SGSM1: variants seen among roughly 807,000 people sequenced by gnomAD.
SGSM1 encodes RUN and TBC1 domain containing 2.
In SGSM1, 73 loss-of-function variants were observed where a neutral mutation model predicts 133.8. The observed-to-expected ratio is 0.55, with a 90% CI of 0.45 to 0.66. The LOEUF (loss-of-function observed/expected upper bound fraction) is 0.66. Among genes scored for constraint, SGSM1 ranks in the 30% least tolerant of loss-of-function variants. The pLI, the probability that SGSM1 is intolerant of heterozygous loss-of-function variation, is 0.00. For synonymous variants in SGSM1, 563 were observed against 573.0 expected (o/e 0.98, Z 0.25); for missense variants, 1,213 against 1,448.1 (o/e 0.84, Z 2.64).
At chr22:24,843,129 C>T (rs1448371736) in intron 2 of SGSM1, among the ~76,000 whole-genome samples, 4 of 152,186 alleles carry the variant, frequency 2.6e-5, no homozygotes, top group African/African-American at 9.7e-5. Flanking sequence ...ACTCCATTTC[C>T]ACATCTGCAA....
chr22:24,831,991 A>G (rs1929145595), intron 2 of SGSM1, among the ~76,000 whole-genome samples: 1 of 152,194 alleles, frequency 6.6e-6, no homozygotes, highest in African/African-American at 2.4e-5. Context: ...CATCCCACCC[A>G]GAGAGTCGGG....
rs145107322 is a variant in SGSM1 at position 24,907,299 on chromosome 22, A to G, written c.2818+2112A>G. Among the ~76,000 whole-genome samples, 142 of 151,274 alleles carry G rather than the reference A, an allele frequency of 9.4e-4. 3 individuals are homozygous for G. In the East Asian group the frequency reaches 0.024, roughly 26 times the overall value. ...AATAAATAAATAAATAAATAAATAA[A>G]TAAATAAAAGAATACAATACTTATG... On this transcript the variant is annotated intron_variant, in intron 21 of 24. Coordinates refer to ENST00000400358, the MANE Select transcript of SGSM1 (RefSeq NM_001098497.3).
Position 24,898,339 on chromosome 22 carries a change from C to G in SGSM1, c.2390C>G (p.Ser797Cys), listed in dbSNP as rs771603488. Reference sequence around the variant, plus strand: ...AACGAGAGCATGGACGAGTTCATGTCCATCACGGGCAGCCTGGACATGGCC... The same window carrying G: ...AACGAGAGCATGGACGAGTTCATGTGCATCACGGGCAGCCTGGACATGGCC... ...LANESMDEFM[S>C]ITGSLDMALP... Residue 797 changes from serine to cysteine, a missense_variant, in exon 19 of 25, where the codon TCC (serine) becomes TGC (cysteine). By Grantham distance (112) the Ser-to-Cys change is moderately radical. Transcript: ENST00000400358. 6.2e-7 allele frequency: 1 copy of G among 1,613,798 alleles called. No individual in the cohort carries two copies. Among genetic ancestry groups the G allele is most frequent in the African/African-American group, 1.3e-5 (1 of 74,900 alleles).
At chr22:24,838,200 T>C (rs955085321) in intron 2 of SGSM1, among the ~76,000 whole-genome samples, 1 of 152,244 alleles carries the variant, frequency 6.6e-6, no homozygotes, top group Non-Finnish European at 1.5e-5. Context: ...ATCCTTTTGT[T>C]ACCAAAACAC....
chr22:24,814,796 G>A (rs1419960632), intron 2 of SGSM1, among the ~76,000 whole-genome samples: 1 of 152,218 alleles, frequency 6.6e-6, no homozygotes, highest in Non-Finnish European at 1.5e-5. Flanking sequence ...CCAGGGCAGT[G>A]CTGTGGAATT....
intron 3 of SGSM1, among the ~76,000 whole-genome samples, chr22:24,846,931 C>T (rs1203718232): frequency 2.0e-5 from 3 of 151,944 alleles, no homozygotes; most frequent in Non-Finnish European, 4.4e-5. Flanking sequence ...AGCTCCACCT[C>T]CCAGGTTCAT....
rs1419692296 is a variant in SGSM1, at chr22:24,927,049, A to G, written c.*2775A>G. The G allele has an allele frequency of 3.9e-5, 6 of 152,270 alleles. No homozygotes were observed. The East Asian group carries it at 1.2e-3, about 29-fold the overall frequency. 9.4% of individuals were successfully genotyped at this position (152,270 alleles called of 1,614,324 possible). On this transcript the variant is annotated 3_prime_UTR_variant, in exon 25 of 25. Transcript: ENST00000400358. ...TACCACAAGTAATGCTGCATTACAA[A>G]TGACCCAAAAAGTAGTGGTTTAAAA...
At chr22:24,860,914 AAAAAAAAAATAT>A (rs1474323436) in intron 9 of SGSM1, among the ~76,000 whole-genome samples, 73 of 95,958 alleles carry the variant, frequency 7.6e-4, no homozygotes, top group Admixed American at 1.2e-3. Context: ...AAAAAAAAAA[AAAAAAAAAATAT>A]ATATATATAT....
Position 24,865,247 on chromosome 22 carries a change from C to G in SGSM1, c.927-1846C>G, listed in dbSNP as rs571972175. ...AAAGCAGAACCATTCTGCAGGTGTT[C>G]AGCACCTTTGAGGAACCAGAGGAGA... On this transcript the variant is annotated intron_variant, in intron 9 of 24. Transcript: ENST00000400358. 2.6e-5 allele frequency among the ~76,000 whole-genome samples: 4 copies of G among 152,350 alleles called. No individual in the cohort carries two copies. The East Asian group carries it at 7.7e-4, about 29-fold the overall frequency.
At chr22:24,824,853 A>T (rs1194608771) in intron 2 of SGSM1, among the ~76,000 whole-genome samples, 1 of 152,170 alleles carries the variant, frequency 6.6e-6, no homozygotes, top group Non-Finnish European at 1.5e-5. Flanking sequence ...TCACTTTGTA[A>T]CGATTTACCC....
intron 24 of SGSM1, among the ~76,000 whole-genome samples, chr22:24,921,238 T>C (rs887873583): frequency 6.6e-6 from 1 of 152,082 alleles, no homozygotes; most frequent in Non-Finnish European, 1.5e-5. Context: ...TAGCTGGGAT[T>C]ACAGACACGC....
In SGSM1 at chr22:24,857,247, CAA is replaced by C. The variant is rs139694; in HGVS notation, c.801+1581_801+1582del. On this transcript the variant is annotated intron_variant, in intron 8 of 24. Coordinates refer to ENST00000400358, the MANE Select transcript of SGSM1 (RefSeq NM_001098497.3). ...TGAAACCCTATCTCTACTAAAAATA[CAA>C]AAAAAAAAAAAAATAGCCAGGCATG... Among the ~76,000 whole-genome samples, 328 of 111,954 alleles carry C rather than the reference CAA, an allele frequency of 2.9e-3. 2 individuals are homozygous for C. Among genetic ancestry groups the C allele is most frequent in the African/African-American group, 8.2e-3 (270 of 32,990 alleles). 73.4% of individuals were successfully genotyped at this position (111,954 alleles called of 152,430 possible).
chr22:24,912,497 T>C, intron 21 of SGSM1, 146 bp from the exon 22 acceptor site: 1 of 584,992 alleles, frequency 1.7e-6, no homozygotes, highest in Non-Finnish European at 3.0e-6. Context: ...GCTAACACGG[T>C]GAAACCCCGT....
rs559311255 is a variant in SGSM1 at position 24,850,259 on chromosome 22, C to T, written c.303-21C>T. On this transcript the variant is annotated intron_variant, in intron 4 of 24. Transcript: ENST00000400358. ...ATTTGCTCTTGTGAGTATCTATTCC[C>T]GTCTTTTATTGGTCTTGAAGGAGAA... 15 of 1,550,600 alleles carry T rather than the reference C, an allele frequency of 9.7e-6. No individual in the cohort carries two copies. In the East Asian group the frequency reaches 2.7e-4, roughly 28 times the overall value.
chr22:24,921,318 T>C (rs1225520699), intron 24 of SGSM1, among the ~76,000 whole-genome samples: 1 of 152,184 alleles, frequency 6.6e-6, no homozygotes, highest in Non-Finnish European at 1.5e-5. Flanking sequence ...CAGGCTAGTC[T>C]AGAACTCCTG....
intron 12 of SGSM1, among the ~76,000 whole-genome samples, chr22:24,876,231 C>G (rs967350515): frequency 6.6e-6 from 1 of 152,192 alleles, no homozygotes; most frequent in African/African-American, 2.4e-5. Context: ...CCAGCAGGCT[C>G]CCCTTCCCTC....
chr22:24,891,066 A>G (rs1932806807), intron 16 of SGSM1, among the ~76,000 whole-genome samples: 1 of 152,230 alleles, frequency 6.6e-6, no homozygotes, highest in African/African-American at 2.4e-5. Context: ...ACTAGATGTT[A>G]TAGCCTGCCT....
Position 24,847,646 on chromosome 22 carries a change from C to T in SGSM1, c.152C>T (p.Ala51Val). The change falls in exon 4 of 25, where the codon GCC (alanine) becomes GTC (valine). Residue 51 changes from alanine to valine, a missense_variant. Transcript: ENST00000400358. ...HIISFCAAVE[A>V]CVLHGLRRRA... Reference sequence around the variant, plus strand: ...CATGTCCCTGCAGCGGCTGTGGAGGCCTGCGTTCTGCACGGGCTTCGGCGG... The same window carrying T: ...CATGTCCCTGCAGCGGCTGTGGAGGTCTGCGTTCTGCACGGGCTTCGGCGG... 6.2e-7 allele frequency: 1 copy of T among 1,613,448 alleles called. No individual in the cohort carries two copies.
chr22:24,873,242 C>T (rs991052213), intron 12 of SGSM1, among the ~76,000 whole-genome samples: 3 of 152,086 alleles, frequency 2.0e-5, no homozygotes, highest in African/African-American at 4.8e-5. Flanking sequence ...GGATTGCAGG[C>T]GTGAGCCACC....
Sources: allele counts gnomAD v4.1 joint callset (sites outside exome capture counted in the v4.1 genomes callset), GRCh38; gene constraint gnomAD v4.1.1; transcripts MANE v1.5; gene names NCBI Gene and HGNC (gene_info 2026-07-23, HGNC 2026-07-21).